ABR: variants seen among roughly 807,000 people sequenced by gnomAD.
ABR encodes the protein ABR activator of RhoGEF and GTPase.
In ABR, 35 loss-of-function variants were observed where a neutral mutation model predicts 107.2. That is an observed-to-expected ratio of 0.33 (90% confidence interval 0.25 to 0.43). The LOEUF (loss-of-function observed/expected upper bound fraction) is 0.43. ABR is among the 20% of genes least tolerant of loss of function. The pLI, the probability that ABR is intolerant of heterozygous loss-of-function variation, is 1.00. For synonymous variants in ABR, 498 were observed against 462.0 expected (o/e 1.08, Z -1.00); for missense variants, 815 against 1,115.2 (o/e 0.73, Z 3.83).
chr17:1,163,591 A>G (rs35830502), intron 1 of ABR, among the ~76,000 whole-genome samples: 88 of 73,808 alleles, frequency 1.2e-3, no homozygotes, highest in African/African-American at 3.8e-3. Flanking sequence ...AGACGCAGGG[A>G]CCCCAGATAA....
chr17:1,147,617 T>A (rs1191754714), intron 1 of ABR, among the ~76,000 whole-genome samples: 1 of 152,050 alleles, frequency 6.6e-6, no homozygotes, highest in African/African-American at 2.4e-5. Context: ...CGCCTCAGCC[T>A]CCCAAAGTGC....
chr17:1,014,900 G>A (rs1375968018), intron 16 of ABR, among the ~76,000 whole-genome samples: 1 of 152,016 alleles, frequency 6.6e-6, no homozygotes, highest in Non-Finnish European at 1.5e-5. Context: ...TTCCCTCACA[G>A]AGCTCCTGGA....
At chr17:1,090,221 T>C (rs1209676494) in intron 4 of ABR, among the ~76,000 whole-genome samples, 1 of 152,070 alleles carries the variant, frequency 6.6e-6, no homozygotes, top group East Asian at 1.9e-4. Context: ...GAAAGTCCAG[T>C]GTCAGGAGCA....
chr17:1,020,085 CCTT>C (rs2071499723), intron 16 of ABR, among the ~76,000 whole-genome samples: 1 of 152,142 alleles, frequency 6.6e-6, no homozygotes, highest in South Asian at 2.1e-4. Flanking sequence ...TCAACTATTT[CCTT>C]CTTTTTTTTT....
rs542108959 is a variant in ABR at position 1,224,870 on chromosome 17, C to T, written c.838+3923G>A. On this transcript the variant is annotated intron_variant, in intron 1 of 22. Coordinates refer to the ABR transcript ENST00000574139. Reference sequence around the variant, plus strand: ...TTTTTTTCTTAGAAATGGGGTCTCACCGGGTGCGGTGGCTCACGCCTGTAA... The same window carrying T: ...TTTTTTTCTTAGAAATGGGGTCTCATCGGGTGCGGTGGCTCACGCCTGTAA... 1.0e-3 allele frequency among the ~76,000 whole-genome samples: 158 copies of T among 152,236 alleles called. 1 individual carries two copies. The highest frequency in any genetic ancestry group is 3.6e-3 in the African/African-American group (148 of 41,552).
chr17:1,227,117 A>G (rs899781733), intron 1 of ABR, among the ~76,000 whole-genome samples: 1 of 152,162 alleles, frequency 6.6e-6, no homozygotes, highest in African/African-American at 2.4e-5. Context: ...TCTTGTTATC[A>G]TTGGTCCACC....
At chr17:1,208,401 G>T (rs2042836533) in intron 1 of ABR, among the ~76,000 whole-genome samples, 1 of 152,210 alleles carries the variant, frequency 6.6e-6, no homozygotes, top group Non-Finnish European at 1.5e-5. Flanking sequence ...AGCATGTGCT[G>T]CGTCTCGATC....
intron 1 of ABR, among the ~76,000 whole-genome samples, chr17:1,132,377 C>CTTTTTTT (rs782501170): frequency 8.0e-6 from 1 of 125,762 alleles, no homozygotes; most frequent in Non-Finnish European, 1.6e-5. Context: ...ACCGAAAGCA[C>CTTTTTTT]TTTTTTTTTT....
chr17:1,073,150 A>G (rs1265779677), intron 7 of ABR, among the ~76,000 whole-genome samples: 2 of 145,338 alleles, frequency 1.4e-5, no homozygotes, highest in East Asian at 2.0e-4. Flanking sequence ...ACTGCACTCC[A>G]GCCTGGGTGA....
At chr17:1,044,650 CAAA>C (rs3031691) in intron 16 of ABR, among the ~76,000 whole-genome samples, 3 of 144,674 alleles carry the variant, frequency 2.1e-5, no homozygotes, top group East Asian at 2.0e-4. Context: ...GACCCCATCT[CAAA>C]AAAAAAAAAA....
chr17:1,157,836 G>A lies in ABR; in HGVS notation c.61+21831C>T, dbSNP rs148195359. Among the ~76,000 whole-genome samples the A allele has an allele frequency of 6.7e-3, 1,023 of 152,342 alleles. 12 individuals are homozygous for A. Among genetic ancestry groups the A allele is most frequent in the African/African-American group, 0.022 (919 of 41,586 alleles). Reference sequence around the variant, plus strand: ...CCCACGATGGGGTGCACTCAGCCCCGTATCATTCATGCTGCAGGTCAGCCT... The same window carrying A: ...CCCACGATGGGGTGCACTCAGCCCCATATCATTCATGCTGCAGGTCAGCCT... On this transcript the variant is annotated intron_variant, in intron 1 of 22. Coordinates refer to ENST00000302538, the MANE Select transcript of ABR (RefSeq NM_021962.5). This position sits in a 1 kb window ranked among gnomAD's most constrained non-coding sequence, Gnocchi z 4.7.
intron 5 of ABR, among the ~76,000 whole-genome samples, chr17:1,080,076 C>G (rs1369457121): frequency 1.3e-5 from 2 of 152,052 alleles, no homozygotes; most frequent in African/African-American, 4.8e-5. Flanking sequence ...GTACTCCAGC[C>G]AATCTTTAGG....
intron 16 of ABR, among the ~76,000 whole-genome samples, chr17:1,018,906 C>T (rs952997432): frequency 6.6e-6 from 1 of 152,168 alleles, no homozygotes; most frequent in Non-Finnish European, 1.5e-5. Context: ...TGCAGCTTAA[C>T]GAGAGTGAGG....
At position 1,160,958 on chromosome 17, in the gene ABR, C is replaced by T. The variant is rs139939389; in HGVS notation, c.61+18709G>A. Among the ~76,000 whole-genome samples the T allele has an allele frequency of 4.6e-3, 707 of 152,310 alleles. 7 individuals are homozygous for T. Among genetic ancestry groups the T allele is most frequent in the African/African-American group, 0.016 (663 of 41,562 alleles). Reference sequence around the variant, plus strand: ...TTGCTCTCTGGCCCCGCCACCTGTACGAGTGCTGCAGACGGTGCCTTCTGA... The same window carrying T: ...TTGCTCTCTGGCCCCGCCACCTGTATGAGTGCTGCAGACGGTGCCTTCTGA... On this transcript the variant is annotated intron_variant, in intron 1 of 22. Transcript: ENST00000302538.
chr17:1,026,381 G>A (rs1222586931), intron 16 of ABR, among the ~76,000 whole-genome samples: 2 of 152,276 alleles, frequency 1.3e-5, no homozygotes, highest in African/African-American at 4.8e-5. Context: ...CGGATGGGAA[G>A]GGCGCTGTGG....
At chr17:1,123,551 C>T (rs551629618) in intron 2 of ABR, among the ~76,000 whole-genome samples, 5 of 152,292 alleles carry the variant, frequency 3.3e-5, no homozygotes, top group African/African-American at 9.6e-5. Flanking sequence ...ATGGTGGTCA[C>T]GCGACAAGGA....
chr17:1,229,290 C>T lies in ABR; in HGVS notation c.341G>A (p.Gly114Glu), dbSNP rs75816908. Among the ~76,000 whole-genome samples the T allele has an allele frequency of 0.053, 7,999 of 151,574 alleles. 295 individuals are homozygous for T. The highest frequency in any genetic ancestry group is 0.075 in the South Asian group (361 of 4,824). The stretch of plus-strand genomic sequence containing the variant: ...GACGGCGTCGGCCCAGCTCCTTCCC[C>T]CGCCGGCTTCTCCGGCCGCCCCGGG... Residue 114 changes from glycine to glutamate, a missense_variant, in exon 1 of 23, where the codon GGG becomes GAG. Gly to Glu is a moderately conservative substitution (Grantham distance 98, BLOSUM62 -2). Coordinates refer to the ABR transcript ENST00000574139.
intron 6 of ABR, among the ~76,000 whole-genome samples, chr17:1,076,118 G>T (rs552072708): frequency 1.4e-4 from 22 of 152,318 alleles, no homozygotes; most frequent in Non-Finnish European, 2.6e-4. Flanking sequence ...AATACAAGCT[G>T]GTCTCGAACT....
chr17:1,188,876 T>C (rs1279145776), upstream of ABR, among the ~76,000 whole-genome samples: 2 of 152,140 alleles, frequency 1.3e-5, no homozygotes, highest in Non-Finnish European at 2.9e-5. Flanking sequence ...TGGCTGCCCC[T>C]CCCAGAAGCC....
Sources: allele counts gnomAD v4.1 joint callset (sites outside exome capture counted in the v4.1 genomes callset), GRCh38; gene constraint gnomAD v4.1.1; non-coding constraint Gnocchi (gnomAD v3.1); transcripts MANE v1.5; gene names NCBI Gene and HGNC (gene_info 2026-07-23, HGNC 2026-07-21).